Variants in IQANK1 observed in about 807,000 individuals in gnomAD.
The protein encoded by IQANK1 is IQ motif and ankyrin repeat containing 1, also known as IQ motif and ankyrin repeat domain-containing protein 1.
Under a neutral mutation model 22.6 loss-of-function variants are expected in IQANK1, and 30 were observed. The ratio of observed to expected loss-of-function variants is 1.33; its 90% CI spans 0.99 to 1.80. The LOEUF is 1.80. Among genes scored for constraint, IQANK1 ranks in the 40% most tolerant of loss-of-function variants. The pLI is 0.00. For synonymous variants in IQANK1, 122 were observed against 99.6 expected (o/e 1.23, Z -1.34); for missense variants, 275 against 235.2 (o/e 1.17, Z -1.11).
intron 3 of IQANK1, among the ~76,000 whole-genome samples, chr8:143,749,011 T>G (rs1419283636): frequency 8.7e-6 from 1 of 114,500 alleles, no homozygotes; most frequent in Non-Finnish European, 1.6e-5. Context: ...TAAATATATA[T>G]CATATATAAA....
At chr8:143,762,518 C>T (rs1417225508) in intron 3 of IQANK1, among the ~76,000 whole-genome samples, 1 of 152,136 alleles carries the variant, frequency 6.6e-6, no homozygotes, top group African/African-American at 2.4e-5. Flanking sequence ...ATCCCTGTGC[C>T]CTCATCAGCA....
At position 143,778,182 on chromosome 8, in the gene IQANK1, A is replaced by C. The variant is rs1196260528; in HGVS notation, c.789+5700A>C. On this transcript the variant is annotated intron_variant, in intron 7 of 13. Transcript: ENST00000527139. ...TGCACTCCAGCCTGGGTGACAGAGT[A>C]AGACTCCGTCTCAAAACAAAAAAAA... 2.3e-5 allele frequency among the ~76,000 whole-genome samples: 3 copies of C among 130,288 alleles called. No individual in the cohort carries two copies. The South Asian group carries it at 8.6e-4, about 37-fold the overall frequency. 85.5% of individuals were successfully genotyped at this position (130,288 alleles called of 152,430 possible).
intron 3 of IQANK1, among the ~76,000 whole-genome samples, chr8:143,747,226 T>A (rs1819050117): frequency 6.6e-6 from 1 of 152,196 alleles, no homozygotes; most frequent in South Asian, 2.1e-4. Flanking sequence ...CCACTTTTAT[T>A]TCTGGTCTTG....
At chr8:143,736,066 T>C in intron 2 of IQANK1, 128 bp downstream of exon 2, 2 of 634,202 alleles carry the variant, frequency 3.2e-6, no homozygotes, top group Non-Finnish European at 2.9e-6. Context: ...TTAGGGGACC[T>C]CTGAGTTGGG....
In IQANK1 at chr8:143,785,570, TTTTC is replaced by T. The variant is rs201888582; in HGVS notation, c.790-3341_790-3338del. ...CAGACCCAGCCTTTTTTATTTTTTA[TTTTC>T]TTTGAGACAGGGTCTTGCTCTGTCA... On this transcript the variant is annotated intron_variant, in intron 7 of 13. Transcript: ENST00000527139. Among the ~76,000 whole-genome samples the T allele has an allele frequency of 1.7e-4, 26 of 151,604 alleles. No homozygotes were observed. In the East Asian group the frequency reaches 5.0e-3, roughly 29 times the overall value.
At chr8:143,782,429 T>A (rs572944559) in intron 7 of IQANK1, among the ~76,000 whole-genome samples, 10 of 152,038 alleles carry the variant, frequency 6.6e-5, no homozygotes, top group Admixed American at 5.3e-4. Context: ...CCATTCAGTA[T>A]AATGTTGGCT....
rs1818858274 is a variant in IQANK1, at chr8:143,739,961, A to G, written c.175+13A>G. ...CAGGCCCCCACAGGTGAGAGCCCGC[A>G]CGTCCCGCGCCGCTGTGGGTGACCG... On this transcript the variant is annotated intron_variant, in intron 3 of 13. Transcript: ENST00000527139. 2.9e-6 allele frequency: 2 copies of G among 685,972 alleles called. No homozygotes were observed. Among genetic ancestry groups the G allele is most frequent in the Non-Finnish European group, 5.3e-6 (2 of 375,478 alleles). The allele number at this position is 685,972 out of a possible 1,614,324, so 42.5% of individuals were successfully genotyped here.
Position 143,771,655 on chromosome 8 carries a change from A to G in IQANK1, c.306+37A>G, listed in dbSNP as rs2129907699. ...CAGCCGCAACAGCCGGGGGCCAGGC[A>G]GGAGGCAGGGGGAGGAAATGGCGAA... is the stretch of plus-strand genomic sequence containing the variant. On this transcript the variant is annotated intron_variant, in intron 4 of 13. Transcript: ENST00000527139. The surrounding 1 kb of genome is among the most constrained non-coding windows in gnomAD (Gnocchi z 6.0). 2.5e-6 allele frequency: 1 copy of G among 399,540 alleles called. No individual in the cohort carries two copies. The allele number at this position is 399,540 out of a possible 1,614,324, so 24.7% of individuals were successfully genotyped here.
chr8:143,753,770 C>A (rs192470025), intron 3 of IQANK1, among the ~76,000 whole-genome samples: 1 of 152,200 alleles, frequency 6.6e-6, no homozygotes, highest in African/African-American at 2.4e-5. Context: ...GAGATAGTTT[C>A]TGTTGATTTA....
intron 3 of IQANK1, among the ~76,000 whole-genome samples, chr8:143,766,298 T>G (rs569194856): frequency 6.6e-6 from 1 of 152,236 alleles, no homozygotes; most frequent in African/African-American, 2.4e-5. Context: ...ACAAACCTTT[T>G]GTCAGTTACA....
At chr8:143,747,901 T>C (rs1554627372) in intron 3 of IQANK1, among the ~76,000 whole-genome samples, 1 of 151,768 alleles carries the variant, frequency 6.6e-6, no homozygotes, top group East Asian at 1.9e-4. Flanking sequence ...AGTTGGTTGA[T>C]TGTGTTAAGT....
At chr8:143,753,678 C>T (rs1415984296) in intron 3 of IQANK1, among the ~76,000 whole-genome samples, 1 of 152,176 alleles carries the variant, frequency 6.6e-6, no homozygotes, top group African/African-American at 2.4e-5. Flanking sequence ...TGTTCTCGAA[C>T]TCCTGACCTC....
intron 3 of IQANK1, among the ~76,000 whole-genome samples, chr8:143,756,245 C>T (rs1046251984): frequency 2.6e-5 from 4 of 152,144 alleles, no homozygotes; most frequent in South Asian, 2.1e-4. Flanking sequence ...CTCTTAGTCC[C>T]GACAAAGTGG....
chr8:143,738,772 G>A (rs1052282920), intron 2 of IQANK1, among the ~76,000 whole-genome samples: 2 of 152,194 alleles, frequency 1.3e-5, no homozygotes, highest in Admixed American at 6.5e-5. Flanking sequence ...ACAGGGCCAG[G>A]AGCTGCATCC....
Position 143,771,936 on chromosome 8 carries a change from G to T in IQANK1, c.442G>T (p.Val148Leu), listed in dbSNP as rs1354369411. The T allele has an allele frequency of 2.6e-6, 1 of 391,326 alleles. No individual in the cohort carries two copies. Among genetic ancestry groups the T allele is most frequent in the Non-Finnish European group, 4.5e-6 (1 of 222,142 alleles). The allele number at this position is 391,326 out of a possible 1,614,324, so 24.2% of individuals were successfully genotyped here. A position where few individuals can be genotyped will look rare whatever the true frequency, so the allele number is the denominator to read the frequency against. ...GCTGGACGCCGCCTTCGACGGGGAC[G>T]TGGGCGAGATCCGGGCGGTGCTGAA... ...RLLDAAFDGD[V>L]GEIRAVLKEV... The change falls in exon 5 of 14, where the codon GTG (valine) becomes TTG (leucine). Residue 148 changes from valine (V) to leucine (L), a missense_variant. Physicochemically the swap from Val to Leu is conservative, Grantham distance 32 (BLOSUM62 1). Coordinates refer to ENST00000527139, the MANE Select transcript of IQANK1 (RefSeq NM_001381874.1). This position sits in a 1 kb window ranked among gnomAD's most constrained non-coding sequence, Gnocchi z 6.0.
intron 7 of IQANK1, among the ~76,000 whole-genome samples, chr8:143,781,174 T>C (rs1414719027): frequency 2.0e-5 from 3 of 152,108 alleles, no homozygotes; most frequent in Non-Finnish European, 4.4e-5. Context: ...TTTAATGGGG[T>C]TTTCTCTTGT....
chr8:143,752,996 G>A (rs57180297), intron 3 of IQANK1, among the ~76,000 whole-genome samples: 1,597 of 70,136 alleles, frequency 0.023, 63 homozygotes, highest in African/African-American at 0.092. Flanking sequence ...CTCTCTGTTC[G>A]TTTTTTTTTT....
At chr8:143,749,631 T>A (rs1292937800) in intron 3 of IQANK1, among the ~76,000 whole-genome samples, 1 of 147,772 alleles carries the variant, frequency 6.8e-6, no homozygotes, top group Non-Finnish European at 1.5e-5. Context: ...AATCTCACTC[T>A]GTTGCCCAGG....
At chr8:143,766,936 A>C (rs536844586) in intron 3 of IQANK1, among the ~76,000 whole-genome samples, 2 of 152,192 alleles carry the variant, frequency 1.3e-5, no homozygotes, top group Non-Finnish European at 2.9e-5. Flanking sequence ...ACTGACTGAA[A>C]TCTCTATTCT....
Sources: gnomAD v4.1 joint callset for allele counts (sites outside exome capture counted in the v4.1 genomes callset) on GRCh38, gnomAD v4.1.1 for gene constraint, Gnocchi (gnomAD v3.1) non-coding constraint, MANE v1.5 for transcripts, NCBI Gene and HGNC (gene_info 2026-07-23, HGNC 2026-07-21) for gene names.